Variants in PAK5 observed in about 807,000 individuals in gnomAD.
PAK5 encodes p21 (RAC1) activated kinase 5.
PAK5 carries 16 observed loss-of-function variants against 65.9 expected under a neutral mutation model. That is an observed-to-expected ratio of 0.24 (90% CI 0.16 to 0.37). The LOEUF is 0.37. Ranked by LOEUF, PAK5 falls within the 10% of genes least tolerant of loss-of-function variation. PAK5 has a pLI of 1.00. For missense variants in PAK5, 785 were observed against 903.9 expected (o/e 0.87, Z 1.69); for synonymous variants, 371 against 354.9 (o/e 1.05, Z -0.51).
At chr20:9,741,604 T>C (rs1569068216) in intron 1 of PAK5, among the ~76,000 whole-genome samples, 1 of 152,126 alleles carries the variant, frequency 6.6e-6, no homozygotes, top group Admixed American at 6.6e-5. Flanking sequence ...AAATTAAAGA[T>C]TAATACCTGT....
At chr20:9,785,935 C>T (rs1490583355) in intron 1 of PAK5, among the ~76,000 whole-genome samples, 1 of 152,046 alleles carries the variant, frequency 6.6e-6, no homozygotes, top group Non-Finnish European at 1.5e-5. Context: ...CTTGACCCTC[C>T]CCACCTGCCT....
Position 9,838,199 on chromosome 20 carries a change from A to G in PAK5, c.-162+563T>C, listed in dbSNP as rs868526207. On this transcript the variant is annotated intron_variant, in intron 1 of 9. Transcript: ENST00000353224. The surrounding 1 kb of genome is among the most constrained non-coding windows in gnomAD (Gnocchi z 4.5). ...CCACCAGGCGCGCGCGCACACACACACGCGCGCACACACACACACACACAA... is the reference window on the plus strand; with the variant it reads ...CCACCAGGCGCGCGCGCACACACACGCGCGCGCACACACACACACACACAA... Among the ~76,000 whole-genome samples, 1 of 109,894 alleles carries G rather than the reference A, an allele frequency of 9.1e-6. No individual in the cohort carries two copies. The highest frequency in any genetic ancestry group is 4.2e-5 in the African/African-American group (1 of 23,544). 72.1% of individuals were successfully genotyped at this position (109,894 alleles called of 152,430 possible). A position where few individuals can be genotyped will look rare whatever the true frequency, so the allele number is the denominator to read the frequency against.
At chr20:9,591,022 A>G (rs2046160953) in intron 3 of PAK5, among the ~76,000 whole-genome samples, 2 of 152,158 alleles carry the variant, frequency 1.3e-5, no homozygotes, top group Non-Finnish European at 2.9e-5. Flanking sequence ...TGACGAATAA[A>G]ATGACTGCCA....
chr20:9,549,375 T>C (rs1568956737), intron 7 of PAK5, among the ~76,000 whole-genome samples: 2 of 152,038 alleles, frequency 1.3e-5, no homozygotes. Flanking sequence ...CGTAGGCCAA[T>C]TGGAACCTAG....
intron 2 of PAK5, among the ~76,000 whole-genome samples, chr20:9,678,210 G>A (rs73600254): frequency 0.013 from 1,908 of 152,216 alleles, 107 homozygotes; most frequent in Admixed American, 0.093. Context: ...TGTGCCCTTC[G>A]AGAATGTATT....
intron 6 of PAK5, 100 bp from the exon 7 acceptor site, chr20:9,557,834 G>A (rs889159219): frequency 5.7e-6 from 5 of 884,210 alleles, no homozygotes; most frequent in South Asian, 5.2e-5. Flanking sequence ...AACAGTCCAC[G>A]TGCTCCAGCC....
intron 3 of PAK5, among the ~76,000 whole-genome samples, chr20:9,626,976 A>C (rs2046853548): frequency 6.6e-6 from 1 of 152,236 alleles, no homozygotes; most frequent in Non-Finnish European, 1.5e-5. Context: ...AATTCAAAAA[A>C]AAGACAGGTC....
intron 2 of PAK5, among the ~76,000 whole-genome samples, chr20:9,647,617 A>C (rs562530618): frequency 6.6e-6 from 1 of 152,346 alleles, no homozygotes; most frequent in East Asian, 1.9e-4. Flanking sequence ...TTCTGTTTTT[A>C]AATAAGAGAG....
intron 2 of PAK5, among the ~76,000 whole-genome samples, chr20:9,675,870 G>C (rs2047563462): frequency 6.6e-6 from 1 of 151,524 alleles, no homozygotes. Flanking sequence ...GTGACAACTT[G>C]TTATGAGCAA....
chr20:9,603,879 C>T (rs1600126064), intron 3 of PAK5, among the ~76,000 whole-genome samples: 1 of 152,140 alleles, frequency 6.6e-6, no homozygotes, highest in African/African-American at 2.4e-5. Flanking sequence ...CGTCTAGCTA[C>T]AGAACCCACA....
At chr20:9,657,052 T>A (rs867690827) in intron 2 of PAK5, among the ~76,000 whole-genome samples, 1 of 152,308 alleles carries the variant, frequency 6.6e-6, no homozygotes, top group Non-Finnish European at 1.5e-5. Flanking sequence ...TTTTATCACA[T>A]GTAGTGATTC....
intron 1 of PAK5, among the ~76,000 whole-genome samples, chr20:9,747,430 T>G (rs2123605415): frequency 6.6e-6 from 1 of 151,598 alleles, no homozygotes; most frequent in East Asian, 2.0e-4. Context: ...GATGCAAAAA[T>G]CCTCAGTAAA....
chr20:9,733,775 G>A (rs1036676733), intron 1 of PAK5, among the ~76,000 whole-genome samples: 3 of 152,090 alleles, frequency 2.0e-5, no homozygotes, highest in East Asian at 1.9e-4. Context: ...AACATTACTC[G>A]TCTTAGTTCC....
At position 9,580,121 on chromosome 20, in the gene PAK5, G is replaced by A. The variant is rs766045121; in HGVS notation, c.990+24C>T. On this transcript the variant is annotated intron_variant, in intron 4 of 9. Coordinates refer to ENST00000353224, the MANE Select transcript of PAK5 (RefSeq NM_177990.4). ...CCTGTGGAGGTTTTTGCACACGTGAGGGAAAGGAGGTAGCAAACGTTACCT... is the reference window on the plus strand; with the variant it reads ...CCTGTGGAGGTTTTTGCACACGTGAAGGAAAGGAGGTAGCAAACGTTACCT... 8 of 1,582,828 alleles carry A rather than the reference G, an allele frequency of 5.1e-6. No homozygotes were observed. The East Asian group carries it at 9.0e-5, about 18-fold the overall frequency.
At position 9,617,547 on chromosome 20, in the gene PAK5, T is replaced by A. The variant is rs1042882302; in HGVS notation, c.204+26578A>T. ...CAGGGATGAGACCCAAGAATCCCAATCCTTTTTTTTTTTTTTTTTTTTTTT... is the reference window on the plus strand; with the variant it reads ...CAGGGATGAGACCCAAGAATCCCAAACCTTTTTTTTTTTTTTTTTTTTTTT... On this transcript the variant is annotated intron_variant, in intron 3 of 9. Transcript: ENST00000353224. Among the ~76,000 whole-genome samples, 96 of 136,954 alleles carry A rather than the reference T, an allele frequency of 7.0e-4. 1 individual carries two copies. Among genetic ancestry groups the A allele is most frequent in the African/African-American group, 2.3e-3 (89 of 39,142 alleles). 89.8% of individuals were successfully genotyped at this position (136,954 alleles called of 152,430 possible).
intron 1 of PAK5, among the ~76,000 whole-genome samples, chr20:9,745,787 C>A (rs1600317844): frequency 1.3e-5 from 2 of 151,184 alleles, no homozygotes; most frequent in Admixed American, 1.3e-4. Flanking sequence ...GAATGAAGAA[C>A]AGAAAAATGA....
rs145090110 is a variant in PAK5, at chr20:9,658,464, A to G, written c.-11-14125T>C. ...ATACCTCCTAAGACCTAGGCTAGGA[A>G]AAGGCACATAAGATTGGTTCCACTA... On this transcript the variant is annotated intron_variant, in intron 2 of 9. Transcript: ENST00000353224. 5.9e-3 allele frequency among the ~76,000 whole-genome samples: 906 copies of G among 152,288 alleles called. 8 individuals carry two copies. Among genetic ancestry groups the G allele is most frequent in the African/African-American group, 0.019 (779 of 41,552 alleles).
chr20:9,569,780 C>A (rs757963413), intron 4 of PAK5, among the ~76,000 whole-genome samples: 1 of 149,442 alleles, frequency 6.7e-6, no homozygotes, highest in Non-Finnish European at 1.5e-5. Context: ...AGTCCCCCAA[C>A]ACTGCCCATT....
Position 9,754,375 on chromosome 20 carries a change from G to A in PAK5, c.-161-42940C>T, listed in dbSNP as rs185152983. Reference sequence around the variant, plus strand: ...AGGGAGTGGAGAGTACTGATTGGTCGGGTCAGAGATGAAATTACAGGGCAT... The same window carrying A: ...AGGGAGTGGAGAGTACTGATTGGTCAGGTCAGAGATGAAATTACAGGGCAT... On this transcript the variant is annotated intron_variant, in intron 1 of 9. Coordinates refer to ENST00000353224, the MANE Select transcript of PAK5 (RefSeq NM_177990.4). 9.5e-4 allele frequency among the ~76,000 whole-genome samples: 144 copies of A among 152,140 alleles called. 2 individuals carry two copies. Among genetic ancestry groups the A allele is most frequent in the Admixed American group, 8.1e-3 (124 of 15,268 alleles).
Sources: gnomAD v4.1 joint callset for allele counts (sites outside exome capture counted in the v4.1 genomes callset) on GRCh38, gnomAD v4.1.1 for gene constraint, Gnocchi (gnomAD v3.1) non-coding constraint, MANE v1.5 for transcripts, NCBI Gene and HGNC (gene_info 2026-07-23, HGNC 2026-07-21) for gene names.